Variants in ROBO1 observed in about 807,000 individuals in gnomAD.
ROBO1 encodes the protein roundabout guidance receptor 1, also known as roundabout homolog 1.
A neutral mutation model predicts 195.9 loss-of-function variants in ROBO1; 149 were observed. That is an observed-to-expected ratio of 0.76 (90% CI 0.67 to 0.87). The LOEUF is 0.87. Among genes scored for constraint, ROBO1 ranks in the 40% least tolerant of loss-of-function variants. The pLI, the probability that ROBO1 is intolerant of heterozygous loss-of-function variation, is 0.00. For missense variants in ROBO1, 1,933 were observed against 2,068.3 expected, an observed-to-expected ratio of 0.93 and a Z score of 1.27; for synonymous variants, 816 against 733.2, an observed-to-expected ratio of 1.11 and a Z score of -1.82.
At chr3:79,377,167 A>AC (rs570482001) in intron 2 of ROBO1, among the ~76,000 whole-genome samples, 59 of 151,954 alleles carry the variant, frequency 3.9e-4, no homozygotes, top group African/African-American at 1.3e-3. Flanking sequence ...TTATATTGTG[A>AC]CCCCCCTAAT....
In ROBO1 at chr3:78,712,017, CAAAAAAAAAAAAA is replaced by C. The variant is rs56267632; in HGVS notation, c.1045+2367_1045+2379del. Among the ~76,000 whole-genome samples, 22 of 76,462 alleles carry C rather than the reference CAAAAAAAAAAAAA, an allele frequency of 2.9e-4. No homozygotes were observed. The East Asian group carries it at 6.3e-3, about 22-fold the overall frequency. The allele number at this position is 76,462 out of a possible 152,430, so 50.2% of individuals were successfully genotyped here. On this transcript the variant is annotated intron_variant, in intron 8 of 30. Transcript: ENST00000464233. ...ATTTGGGATTACAAGAAGACCTTGG[CAAAAAAAAAAAAA>C]AAAAAAAAAAAAAAAAAAAACTCTC... is the stretch of plus-strand genomic sequence containing the variant.
chr3:79,346,455 T>C (rs1003612716), intron 2 of ROBO1, among the ~76,000 whole-genome samples: 1 of 152,186 alleles, frequency 6.6e-6, no homozygotes, highest in Non-Finnish European at 1.5e-5. Context: ...AGGCTGACTC[T>C]TGGCTTCATT....
At chr3:78,785,669 T>G (rs1045856913) in intron 4 of ROBO1, among the ~76,000 whole-genome samples, 2 of 152,172 alleles carry the variant, frequency 1.3e-5, no homozygotes, top group African/African-American at 4.8e-5. Flanking sequence ...TGGTTCAAGA[T>G]TCACATGATT....
intron 2 of ROBO1, among the ~76,000 whole-genome samples, chr3:79,276,756 A>T (rs2031069375): frequency 6.6e-6 from 1 of 152,032 alleles, no homozygotes; most frequent in East Asian, 1.9e-4. Context: ...ACGTATAAGG[A>T]ACTCAACTCA....
chr3:79,148,182 C>G (rs1022894374), intron 2 of ROBO1, among the ~76,000 whole-genome samples: 1 of 151,594 alleles, frequency 6.6e-6, no homozygotes, highest in Non-Finnish European at 1.5e-5. Flanking sequence ...TCTGTCTTTA[C>G]TAAAAGACAA....
intron 1 of ROBO1, among the ~76,000 whole-genome samples, chr3:79,662,354 ATCTT>A (rs749303287): frequency 3.9e-5 from 6 of 152,088 alleles, no homozygotes; most frequent in Non-Finnish European, 8.8e-5. Context: ...TATTTTGACT[ATCTT>A]TATAAAAACC....
intron 1 of ROBO1, among the ~76,000 whole-genome samples, chr3:79,590,768 C>A (rs1204172883): frequency 6.6e-6 from 1 of 151,214 alleles, no homozygotes; most frequent in East Asian, 1.9e-4. Context: ...TATGTATATA[C>A]ATAAATTTCA....
At chr3:78,951,881 A>T (rs1436991386) in intron 3 of ROBO1, among the ~76,000 whole-genome samples, 1 of 152,130 alleles carries the variant, frequency 6.6e-6, no homozygotes, top group East Asian at 1.9e-4. Flanking sequence ...CTGAGAGGTC[A>T]CTTTTACACA....
chr3:78,600,057 C>A, intron 30 of ROBO1, 56 bp downstream of exon 30: 13 of 1,399,648 alleles, frequency 9.3e-6, no homozygotes, highest in Non-Finnish European at 1.1e-5. Context: ...AGGTTCCTAA[C>A]TACATAAAAC....
rs1386397550 is a variant in ROBO1 at position 79,297,496 on chromosome 3, T to C, written c.89-171957A>G. ...AGTATCATGGTATGTAACCAGATCT[T>C]GCTACATTGTCTATCTGACTTGTGA... is the stretch of plus-strand genomic sequence containing the variant. On this transcript the variant is annotated intron_variant, in intron 2 of 30. Transcript: ENST00000464233. 5.8e-4 allele frequency among the ~76,000 whole-genome samples: 89 copies of C among 152,256 alleles called. 1 individual carries two copies. Among genetic ancestry groups the C allele is most frequent in the Non-Finnish European group, 4.4e-5 (3 of 67,966 alleles).
intron 1 of ROBO1, among the ~76,000 whole-genome samples, chr3:79,625,268 C>G (rs1945131574): frequency 1.3e-5 from 2 of 149,912 alleles, no homozygotes; most frequent in African/African-American, 2.5e-5. Context: ...AAATCAATAC[C>G]CTAACATCAC....
intron 4 of ROBO1, among the ~76,000 whole-genome samples, chr3:78,784,889 C>A (rs2083785045): frequency 6.6e-6 from 1 of 152,116 alleles, no homozygotes; most frequent in Non-Finnish European, 1.5e-5. Flanking sequence ...TTAATGTGAA[C>A]ATGTTCATCT....
intron 8 of ROBO1, among the ~76,000 whole-genome samples, chr3:78,697,168 T>A (rs2081318896): frequency 6.6e-6 from 1 of 150,660 alleles, no homozygotes; most frequent in Non-Finnish European, 1.5e-5. Flanking sequence ...TTCTATGTAC[T>A]AAGAATATAC....
chr3:79,006,035 G>T (rs1348964595), intron 3 of ROBO1, among the ~76,000 whole-genome samples: 1 of 152,048 alleles, frequency 6.6e-6, no homozygotes, highest in Non-Finnish European at 1.5e-5. Context: ...CAACACAGTA[G>T]TGCACCTCTT....
intron 3 of ROBO1, among the ~76,000 whole-genome samples, chr3:79,037,960 T>A (rs2078410334): frequency 2.0e-5 from 3 of 152,186 alleles, no homozygotes; most frequent in African/African-American, 7.2e-5. Flanking sequence ...AGTTTAATTA[T>A]CTCTCCATTG....
intron 5 of ROBO1, 30 bp from the exon 6 acceptor site, chr3:78,717,913 T>C (rs765003748): frequency 1.2e-6 from 2 of 1,608,740 alleles, no homozygotes; most frequent in Admixed American, 1.7e-5. Flanking sequence ...AGGAATACTA[T>C]TAAAATTGCT....
chr3:79,703,554 C>T (rs1947680290), intron 1 of ROBO1, among the ~76,000 whole-genome samples: 1 of 151,724 alleles, frequency 6.6e-6, no homozygotes, highest in African/African-American at 2.4e-5. Flanking sequence ...TAATTTTGAA[C>T]AATTCATTAC....
chr3:79,514,516 C>T (rs2107552721), intron 2 of ROBO1, among the ~76,000 whole-genome samples: 1 of 152,162 alleles, frequency 6.6e-6, no homozygotes, highest in South Asian at 2.1e-4. Context: ...GTCTCTGGTT[C>T]TCTGGGGTCC....
intron 3 of ROBO1, among the ~76,000 whole-genome samples, chr3:79,014,191 CG>C (rs1423275631): frequency 2.6e-5 from 4 of 151,926 alleles, no homozygotes; most frequent in African/African-American, 9.7e-5. Context: ...CTTTTTGGAC[CG>C]GGCACACTGG....
Sources: allele counts gnomAD v4.1 joint callset (sites outside exome capture counted in the v4.1 genomes callset), GRCh38; gene constraint gnomAD v4.1.1; transcripts MANE v1.5; gene names NCBI Gene and HGNC (gene_info 2026-07-23, HGNC 2026-07-21).